The following RPA3 variants were observed in gnomAD, a reference collection of about 807,000 sequenced individuals.
The protein encoded by RPA3 is replication protein A3.
Under a neutral mutation model 13.7 loss-of-function variants are expected in RPA3, and 24 were observed. That is an observed-to-expected ratio of 1.75 (90% CI 1.27 to 2.46). The LOEUF (loss-of-function observed/expected upper bound fraction) is 2.46. Ranked by LOEUF, RPA3 falls within the 30% of genes most tolerant of loss-of-function variation. The pLI, the probability that RPA3 is intolerant of heterozygous loss-of-function variation, is 0.00. For synonymous variants in RPA3, 59 were observed against 51.2 expected (o/e 1.15, Z -0.65); for missense variants, 183 against 151.0 (o/e 1.21, Z -1.11).
intron 4 of RPA3, among the ~76,000 whole-genome samples, chr7:7,669,641 C>T (rs925345123): frequency 3.9e-5 from 6 of 152,142 alleles, no homozygotes; most frequent in Non-Finnish European, 8.8e-5. Context: ...AAGGGAATCC[C>T]AAGACTCTTA....
chr7:7,649,592 G>C (rs545606157), intron 4 of RPA3, among the ~76,000 whole-genome samples: 1 of 152,014 alleles, frequency 6.6e-6, no homozygotes, highest in South Asian at 2.1e-4. Flanking sequence ...TTCCTTTCTT[G>C]CCTTCTTTTG....
chr7:7,650,522 G>A (rs75325007), intron 4 of RPA3, among the ~76,000 whole-genome samples: 5,770 of 152,288 alleles, frequency 0.038, 139 homozygotes, highest in Non-Finnish European at 0.057. Flanking sequence ...TTGATCCTCA[G>A]TTGTAACAGG....
At chr7:7,704,766 CAAAA>C (rs71011001) in intron 2 of RPA3, among the ~76,000 whole-genome samples, 134 of 17,796 alleles carry the variant, frequency 7.5e-3, no homozygotes, top group South Asian at 0.012. Context: ...GACTCCATCT[CAAAA>C]AAAAAAAAAA....
At chr7:7,678,460 A>T (rs1583725252) in intron 4 of RPA3, among the ~76,000 whole-genome samples, 1 of 142,298 alleles carries the variant, frequency 7.0e-6, no homozygotes, top group East Asian at 2.0e-4. Flanking sequence ...TTATATAATA[A>T]ATATATATTT....
chr7:7,684,810 C>T (rs1177451315), intron 4 of RPA3, among the ~76,000 whole-genome samples: 1 of 152,200 alleles, frequency 6.6e-6, no homozygotes, highest in Admixed American at 6.5e-5. Context: ...ATCAGACTAA[C>T]GCATTCAAGC....
At chr7:7,654,807 G>A (rs1477352238) in intron 4 of RPA3, among the ~76,000 whole-genome samples, 1 of 151,838 alleles carries the variant, frequency 6.6e-6, no homozygotes, top group Admixed American at 6.6e-5. Context: ...TGGAGGCTGA[G>A]GCAGGAGAAT....
chr7:7,707,144 A>T (rs992440178), intron 2 of RPA3, among the ~76,000 whole-genome samples: 2 of 152,150 alleles, frequency 1.3e-5, no homozygotes, highest in Non-Finnish European at 2.9e-5. Context: ...TGTGCACATT[A>T]TTTGAGGAGA....
intron 4 of RPA3, among the ~76,000 whole-genome samples, chr7:7,680,655 T>G (rs1207995462): frequency 6.6e-6 from 1 of 151,930 alleles, no homozygotes; most frequent in Non-Finnish European, 1.5e-5. Flanking sequence ...ACAATACTGA[T>G]TCTTCCAATC....
intron 4 of RPA3, chr7:7,676,164 T>C (rs1779732732): frequency 2.5e-6 from 1 of 398,516 alleles, no homozygotes; most frequent in Admixed American, 4.4e-5. Flanking sequence ...TCAGACCCTT[T>C]GGGTTGGCTT....
At chr7:7,709,928 C>T (rs1255476149) in intron 2 of RPA3, among the ~76,000 whole-genome samples, 1 of 152,032 alleles carries the variant, frequency 6.6e-6, no homozygotes, top group Non-Finnish European at 1.5e-5. Context: ...AGGTAAATTC[C>T]ACTCTTTAAA....
chr7:7,689,624 C>T (rs1044971624), intron 2 of RPA3, among the ~76,000 whole-genome samples: 2 of 152,130 alleles, frequency 1.3e-5, no homozygotes, highest in Non-Finnish European at 2.9e-5. Context: ...GCCCAGACTT[C>T]ATGGAAATGT....
chr7:7,667,420 T>C (rs563813392), intron 4 of RPA3, among the ~76,000 whole-genome samples: 2 of 152,156 alleles, frequency 1.3e-5, no homozygotes, highest in Non-Finnish European at 2.9e-5. Flanking sequence ...TACCGCATAC[T>C]AGGCTTGGGG....
At chr7:7,688,714 T>C (rs1412442950) in intron 2 of RPA3, among the ~76,000 whole-genome samples, 4 of 152,238 alleles carry the variant, frequency 2.6e-5, no homozygotes, top group African/African-American at 4.8e-5. Context: ...GCCTTTATTT[T>C]TGTATGTCTT....
chr7:7,705,300 A>C (rs1304017054), intron 2 of RPA3, among the ~76,000 whole-genome samples: 1 of 152,368 alleles, frequency 6.6e-6, no homozygotes, highest in East Asian at 1.9e-4. Flanking sequence ...AAAATATCTG[A>C]CTTATAAAAA....
intron 4 of RPA3, among the ~76,000 whole-genome samples, chr7:7,685,130 T>C (rs1780011047): frequency 6.6e-6 from 1 of 152,166 alleles, no homozygotes; most frequent in Non-Finnish European, 1.5e-5. Context: ...AGTATGAATA[T>C]TCTACCTTGT....
chr7:7,672,164 T>C (rs1179004455), intron 4 of RPA3, among the ~76,000 whole-genome samples: 2 of 152,230 alleles, frequency 1.3e-5, no homozygotes, highest in Non-Finnish European at 2.9e-5. Flanking sequence ...AAACTAAAAC[T>C]TGGAGCACTT....
At chr7:7,673,195 A>C in intron 4 of RPA3, 1 of 745,926 alleles carries the variant, frequency 1.3e-6, no homozygotes, top group Admixed American at 2.1e-5. Flanking sequence ...ACATGTGGCC[A>C]TAGAATTCCT....
At chr7:7,661,342 G>A (rs1449039089) in intron 4 of RPA3, among the ~76,000 whole-genome samples, 1 of 151,840 alleles carries the variant, frequency 6.6e-6, no homozygotes, top group Non-Finnish European at 1.5e-5. Context: ...CACCATTTTT[G>A]TTCCCTTGCT....
chr7:7,673,449 T>C, intron 4 of RPA3: 1 of 841,390 alleles, frequency 1.2e-6, no homozygotes, highest in South Asian at 1.4e-5. Context: ...GATTCGTCCT[T>C]TTAGGTGAGT....
Sources: allele counts gnomAD v4.1 joint callset (sites outside exome capture counted in the v4.1 genomes callset), GRCh38; gene constraint gnomAD v4.1.1; transcripts MANE v1.5; gene names NCBI Gene and HGNC (gene_info 2026-07-23, HGNC 2026-07-21).